TMPRSS6: variants seen among roughly 807,000 people sequenced by gnomAD.
TMPRSS6 encodes the protein transmembrane protease serine 6.
In TMPRSS6, 67 loss-of-function variants were observed where a neutral mutation model predicts 101.5. The observed-to-expected ratio is 0.66, with a 90% CI of 0.54 to 0.81. The LOEUF (loss-of-function observed/expected upper bound fraction) is 0.81, where lower values mean the gene tolerates loss of function less well. Ranked by LOEUF, TMPRSS6 falls within the 30% of genes least tolerant of loss-of-function variation. The pLI is 0.00. For missense variants in TMPRSS6, 1,034 were observed against 1,088.7 expected, an observed-to-expected ratio of 0.95 and a Z score of 0.71; for synonymous variants, 453 against 464.9, an observed-to-expected ratio of 0.97 and a Z score of 0.33.
In TMPRSS6 at chr22:37,070,937, C is replaced by G. The variant is rs375396615; in HGVS notation, c.1651G>C (p.Gly551Arg). ...QCDGRPDCRD[G>R]SDEEHCDCGL... ...TCACCACAGTGCTCCTCATCCGAGC[C>G]GTCCCTGCAGTCGGGCCGCCCATCA... is the stretch of plus-strand genomic sequence containing the variant. The change falls in exon 14 of 18, where the codon GGC (glycine) becomes CGC (arginine). Residue 551 changes from glycine to arginine, a missense_variant. Transcript: ENST00000676104. The G allele has an allele frequency of 2.5e-6, 4 of 1,613,142 alleles. No homozygotes were observed. In the Admixed American group the frequency reaches 5.0e-5, roughly 20 times the overall value.
At chr22:37,075,990 AGAAAGAAAGG>A (rs1927620097) in intron 10 of TMPRSS6, among the ~76,000 whole-genome samples, 2 of 150,026 alleles carry the variant, frequency 1.3e-5, no homozygotes, top group African/African-American at 5.0e-5. Context: ...AGAAAGAAAG[AGAAAGAAAGG>A]AAGAAAGAAA....
intron 13 of TMPRSS6, among the ~76,000 whole-genome samples, chr22:37,071,935 GGATGGGTGGAT>G (rs1926954189): frequency 6.6e-6 from 1 of 152,042 alleles, no homozygotes; most frequent in African/African-American, 2.4e-5. Flanking sequence ...GATGGATGAT[GGATGGGTGGAT>G]GATGGATGGA....
In TMPRSS6 at chr22:37,087,836, G is replaced by A. The variant is rs190426380; in HGVS notation, c.837-1417C>T. 3.2e-4 allele frequency among the ~76,000 whole-genome samples: 48 copies of A among 152,094 alleles called. 1 individual carries two copies. Among genetic ancestry groups the A allele is most frequent in the African/African-American group, 8.9e-4 (37 of 41,450 alleles). On this transcript the variant is annotated intron_variant, in intron 7 of 17. Coordinates refer to ENST00000676104, the MANE Select transcript of TMPRSS6 (RefSeq NM_001374504.1). ...GGGGGTTTTATTTTATTTACCTAGC[G>A]GCAGAGCCCTTCTTATAAATGAAAT...
rs920528278 is a variant in TMPRSS6 at position 37,103,900 on chromosome 22, C to G, written c.-1-482G>C. ...CCACACAGTCCATGCACTTAGCCCC[C>G]GCCCCAGAATCCCCTGAGCTGGCAC... On this transcript the variant is annotated intron_variant, in intron 1 of 17. Transcript: ENST00000676104. The surrounding 1 kb of genome is among the most constrained non-coding windows in gnomAD (Gnocchi z 4.4). Among the ~76,000 whole-genome samples, 2 of 152,204 alleles carry G rather than the reference C, an allele frequency of 1.3e-5. No homozygotes were observed. Among genetic ancestry groups the G allele is most frequent in the Non-Finnish European group, 2.9e-5 (2 of 68,038 alleles).
intron 8 of TMPRSS6, among the ~76,000 whole-genome samples, chr22:37,085,460 C>T (rs992049848): frequency 2.6e-5 from 4 of 152,278 alleles, no homozygotes; most frequent in African/African-American, 7.2e-5. Context: ...GGGGATAAAC[C>T]GAGAAGAGGG....
Position 37,084,713 on chromosome 22 carries a change from G to C in TMPRSS6, c.1086+14C>G, listed in dbSNP as rs1311193575. ...GCGGCAGAGGGCAGGTGGGCAGGCA[G>C]GGTGGGGTCTCACCGTGAGGTGCCA... On this transcript the variant is annotated intron_variant, in intron 9 of 17. Coordinates refer to ENST00000676104, the MANE Select transcript of TMPRSS6 (RefSeq NM_001374504.1). 6.4e-7 allele frequency: 1 copy of C among 1,550,530 alleles called. No homozygotes were observed. The highest frequency in any genetic ancestry group is 1.2e-5 in the South Asian group (1 of 84,294).
intron 10 of TMPRSS6, chr22:37,080,263 A>C (rs140388331): frequency 0.019 from 2,850 of 152,664 alleles, 47 homozygotes; most frequent in Non-Finnish European, 0.028. Context: ...GAAAGCAGGC[A>C]GGTCAGGGGT....
chr22:37,103,555 G>T lies in TMPRSS6; in HGVS notation c.-1-137C>A, dbSNP rs372503106. 2 of 1,613,906 alleles carry T rather than the reference G, an allele frequency of 1.2e-6. No individual in the cohort carries two copies. The highest frequency in any genetic ancestry group is 1.7e-6 in the Non-Finnish European group (2 of 1,180,018). On this transcript the variant is annotated intron_variant, in intron 1 of 17. Transcript: ENST00000676104. This position sits in a 1 kb window ranked among gnomAD's most constrained non-coding sequence, Gnocchi z 4.4. The stretch of plus-strand genomic sequence containing the variant: ...GTAACAACATCAGGCGGCAGTGACT[G>T]CAAGTGGGTGCCGAGACAGCTCACA...
At chr22:37,108,737 G>A (rs1186287208) in intron 1 of TMPRSS6, among the ~76,000 whole-genome samples, 1 of 152,198 alleles carries the variant, frequency 6.6e-6, no homozygotes, top group Non-Finnish European at 1.5e-5. Flanking sequence ...TTTAATGGCT[G>A]GGGAAACTGA....
In TMPRSS6 at chr22:37,089,672, G is replaced by A. The variant is rs1465481400; in HGVS notation, c.742C>T (p.Leu248Phe). 1 of 1,612,790 alleles carries A rather than the reference G, an allele frequency of 6.2e-7. No individual in the cohort carries two copies. The highest frequency in any genetic ancestry group is 8.5e-7 in the Non-Finnish European group (1 of 1,179,476). The change falls in exon 7 of 18, where the codon CTC becomes TTC. Residue 248 changes from leucine (L) to phenylalanine (F), a missense_variant. By Grantham distance (22) the Leu-to-Phe change is conservative. Transcript: ENST00000676104. ...AGCGTCCACTCCAGCCGGAGTTTGA[G>A]CATGAGGTCCTTGGGGCCCTGCAGG... ...WHLQGPKDLM[L>F]KLRLEWTLAE... is the part of the protein sequence containing the mutation.
intron 10 of TMPRSS6, among the ~76,000 whole-genome samples, chr22:37,078,029 G>A (rs1001167110): frequency 6.6e-6 from 1 of 152,194 alleles, no homozygotes; most frequent in Non-Finnish European, 1.5e-5. Context: ...CCCAGGAAAC[G>A]CAGGTTTTGG....
intron 10 of TMPRSS6, among the ~76,000 whole-genome samples, chr22:37,077,238 G>A (rs543599390): frequency 1.3e-5 from 2 of 152,324 alleles, no homozygotes; most frequent in East Asian, 3.9e-4. Flanking sequence ...GAGCCAAGGT[G>A]GAGCCAGAAT....
chr22:37,068,801 T>TG (rs1372305910), intron 16 of TMPRSS6: 3 of 709,508 alleles, frequency 4.2e-6, no homozygotes, highest in Non-Finnish European at 7.6e-6. Context: ...AGCTTGCACG[T>TG]GGGCAGTGGC....
At chr22:37,067,027 T>C in intron 16 of TMPRSS6, 65 bp from the exon 17 acceptor site, 1 of 1,608,986 alleles carries the variant, frequency 6.2e-7, no homozygotes, top group Non-Finnish European at 8.5e-7. Flanking sequence ...CTATTCTCCC[T>C]AACATTATTC....
intron 6 of TMPRSS6, among the ~76,000 whole-genome samples, chr22:37,090,039 A>G (rs1191909654): frequency 6.6e-6 from 1 of 152,256 alleles, no homozygotes; most frequent in Non-Finnish European, 1.5e-5. Context: ...TGCCCAGGTA[A>G]AAATCCAGTC....
At chr22:37,095,653 A>AATAC (rs918891567) in intron 5 of TMPRSS6, 61 bp from the exon 6 acceptor site, 1 of 1,492,230 alleles carries the variant, frequency 6.7e-7, no homozygotes, top group African/African-American at 1.4e-5. Flanking sequence ...AAGAAAAGAA[A>AATAC]ATACAATGAA....
chr22:37,076,316 T>C (rs566123468), intron 10 of TMPRSS6, among the ~76,000 whole-genome samples: 1 of 152,290 alleles, frequency 6.6e-6, no homozygotes, highest in Admixed American at 6.5e-5. Flanking sequence ...CCTTCTCCCA[T>C]GACCAGTAGC....
At chr22:37,104,549 G>A (rs751328937) in intron 1 of TMPRSS6, among the ~76,000 whole-genome samples, 26 of 152,156 alleles carry the variant, frequency 1.7e-4, no homozygotes, top group Non-Finnish European at 2.5e-4. Flanking sequence ...GGCCTTTGAC[G>A]CAGGTTTCCC....
intron 10 of TMPRSS6, chr22:37,084,062 C>T (rs1246951619): frequency 2.7e-5 from 16 of 599,882 alleles, no homozygotes; most frequent in Admixed American, 8.9e-5. Flanking sequence ...GATGACCAAA[C>T]GTGTCTGAGA....
Sources: gnomAD v4.1 joint callset for allele counts (sites outside exome capture counted in the v4.1 genomes callset) on GRCh38, gnomAD v4.1.1 for gene constraint, Gnocchi (gnomAD v3.1) non-coding constraint, MANE v1.5 for transcripts, NCBI Gene and HGNC (gene_info 2026-07-23, HGNC 2026-07-21) for gene names.